CBLB: variants seen among roughly 807,000 people sequenced by gnomAD.
CBLB encodes E3 ubiquitin-protein ligase CBL-B.
In CBLB, 31 loss-of-function variants were observed where a neutral mutation model predicts 104.9. The ratio of observed to expected loss-of-function variants is 0.30; its 90% CI spans 0.22 to 0.40. The LOEUF (loss-of-function observed/expected upper bound fraction) is 0.40. Among genes scored for constraint, CBLB ranks in the 10% least tolerant of loss-of-function variants. CBLB has a pLI of 1.00. For synonymous variants in CBLB, 440 were observed against 422.6 expected, an observed-to-expected ratio of 1.04 and a Z score of -0.51; for missense variants, 1,062 against 1,214.6, an observed-to-expected ratio of 0.87 and a Z score of 1.87.
Position 105,709,533 on chromosome 3 carries a change from A to G in CBLB, c.1408-5360T>C, listed in dbSNP as rs191498750. Among the ~76,000 whole-genome samples, 416 of 151,994 alleles carry G rather than the reference A, an allele frequency of 2.7e-3. 8 individuals are homozygous for G. The highest frequency in any genetic ancestry group is 0.023 in the Admixed American group (356 of 15,256). On this transcript the variant is annotated intron_variant, in intron 10 of 18. Transcript: ENST00000394030. ...GTGATGGTTCCTAATCACATACACA[A>G]TGTTAAGTCTACTCAATGTTTATTA...
chr3:105,707,885 C>A (rs2070429361), intron 10 of CBLB, among the ~76,000 whole-genome samples: 1 of 151,974 alleles, frequency 6.6e-6, no homozygotes, highest in Admixed American at 6.6e-5. Flanking sequence ...TACATCAATT[C>A]AATGTAGACC....
chr3:105,730,632 C>G lies in CBLB; in HGVS notation c.1203+3377G>C, dbSNP rs114047696. Among the ~76,000 whole-genome samples the G allele has an allele frequency of 3.4e-3, 520 of 152,018 alleles. 5 individuals carry two copies. Among genetic ancestry groups the G allele is most frequent in the African/African-American group, 0.012 (493 of 41,476 alleles). On this transcript the variant is annotated intron_variant, in intron 9 of 18. Transcript: ENST00000394030. ...ATGAACATAATGAGGTAAGAGCTTA[C>G]AGAAACATATACAAAATGTATCAGG... is the stretch of plus-strand genomic sequence containing the variant.
At chr3:105,754,219 C>CA (rs952152096) in intron 4 of CBLB, among the ~76,000 whole-genome samples, 1 of 151,818 alleles carries the variant, frequency 6.6e-6, no homozygotes, top group Admixed American at 6.6e-5. Flanking sequence ...TAAAAACAAA[C>CA]AAAAAAATTA....
chr3:105,725,113 A>T (rs1004829109), intron 9 of CBLB, among the ~76,000 whole-genome samples: 1 of 152,202 alleles, frequency 6.6e-6, no homozygotes, highest in Non-Finnish European at 1.5e-5. Flanking sequence ...CAAATTGCAA[A>T]TATCAAAATT....
intron 13 of CBLB, among the ~76,000 whole-genome samples, chr3:105,690,097 C>A (rs1255367209): frequency 6.6e-6 from 1 of 152,052 alleles, no homozygotes. Context: ...TTTAACAATT[C>A]TATTTCAGTA....
Position 105,822,347 on chromosome 3 carries a change from G to C in CBLB, c.419+31067C>G, listed in dbSNP as rs187735644. ...TTCTAGTCATCTAACACCTCTAAAA[G>C]CTCAGGTCCTATTCTCAGGATGAGC... On this transcript the variant is annotated intron_variant, in intron 3 of 18. Transcript: ENST00000394030. Among the ~76,000 whole-genome samples the C allele has an allele frequency of 6.2e-4, 95 of 152,204 alleles. 1 individual carries two copies. The highest frequency in any genetic ancestry group is 2.9e-5 in the Non-Finnish European group (2 of 68,024).
intron 3 of CBLB, among the ~76,000 whole-genome samples, chr3:105,821,889 G>T (rs1386455132): frequency 1.3e-5 from 2 of 151,976 alleles, no homozygotes; most frequent in African/African-American, 2.4e-5. Flanking sequence ...AAATATAAAT[G>T]AACAGAGATG....
intron 3 of CBLB, among the ~76,000 whole-genome samples, chr3:105,816,484 A>C (rs1310870144): frequency 6.6e-6 from 1 of 152,206 alleles, no homozygotes; most frequent in Non-Finnish European, 1.5e-5. Context: ...CTAAGGTTAC[A>C]GGTACATTAA....
intron 3 of CBLB, among the ~76,000 whole-genome samples, chr3:105,833,714 T>C (rs975262120): frequency 6.6e-5 from 10 of 152,064 alleles, no homozygotes; most frequent in Non-Finnish European, 1.3e-4. Context: ...TAAAATTAAA[T>C]ATACTTTTAT....
At chr3:105,782,988 T>A (rs1252611669) in intron 3 of CBLB, among the ~76,000 whole-genome samples, 1 of 152,252 alleles carries the variant, frequency 6.6e-6, no homozygotes, top group Non-Finnish European at 1.5e-5. Context: ...AATAAATATA[T>A]TTAAATGGAC....
chr3:105,742,235 G>C (rs1168410608), intron 6 of CBLB, among the ~76,000 whole-genome samples: 1 of 152,122 alleles, frequency 6.6e-6, no homozygotes, highest in Non-Finnish European at 1.5e-5. Flanking sequence ...GTATGTGGCA[G>C]ACACAAGTAT....
intron 6 of CBLB, 64 bp from the exon 7 acceptor site, chr3:105,740,695 G>T: frequency 7.2e-7 from 1 of 1,397,490 alleles, no homozygotes; most frequent in Non-Finnish European, 1.0e-6. Flanking sequence ...TAAACAATTT[G>T]TTAGGTTTCT....
At chr3:105,839,388 C>A (rs933456315) in intron 3 of CBLB, 1 of 152,106 alleles carries the variant, frequency 6.6e-6, no homozygotes, top group African/African-American at 2.4e-5. Flanking sequence ...ATGTTAGTTT[C>A]ATAGGTCTAT....
chr3:105,779,638 G>C (rs1415285664), intron 3 of CBLB, among the ~76,000 whole-genome samples: 1 of 150,800 alleles, frequency 6.6e-6, no homozygotes, highest in Admixed American at 6.6e-5. Context: ...CGACACCAAG[G>C]TATGAAAAGA....
At position 105,853,460 on chromosome 3, in the gene CBLB, A is replaced by G; in HGVS notation, c.373T>C (p.Phe125Leu). ...TACATTCTCTCCTTGCCTTCTTTAA[A>G]GAGTCTTATTGCCCGTTTTGACTTT... ...MKKSKRAIRL[F>L]KEGKERMYEE... Residue 125 changes from phenylalanine (F) to leucine (L), a missense_variant, in exon 3 of 19, where the codon TTT becomes CTT. Phe to Leu is a conservative substitution (Grantham distance 22). Around this residue, in one of 2 missense-constraint regions of CBLB, gnomAD observed 457 missense variants for 632.0 expected, o/e 0.72. Transcript: ENST00000394030. The G allele has an allele frequency of 3.7e-6, 6 of 1,613,620 alleles. No individual in the cohort carries two copies. Among genetic ancestry groups the G allele is most frequent in the Non-Finnish European group, 5.1e-6 (6 of 1,179,670 alleles).
intron 3 of CBLB, among the ~76,000 whole-genome samples, chr3:105,829,661 C>T (rs1295989519): frequency 8.2e-5 from 7 of 85,264 alleles, no homozygotes; most frequent in African/African-American, 1.9e-4. Flanking sequence ...ACAGCAAGAC[C>T]GTCCCAAAAA....
At chr3:105,833,819 TAA>T (rs2087952048) in intron 3 of CBLB, among the ~76,000 whole-genome samples, 1 of 152,198 alleles carries the variant, frequency 6.6e-6, no homozygotes. Context: ...AAACTTTATA[TAA>T]GTTTCCTCTG....
rs188003903 is a variant in CBLB, at chr3:105,804,838, T to C, written c.420-28296A>G. Among the ~76,000 whole-genome samples, 87 of 152,270 alleles carry C rather than the reference T, an allele frequency of 5.7e-4. 1 individual carries two copies. In the East Asian group the frequency reaches 0.013, roughly 22 times the overall value. Reference sequence around the variant, plus strand: ...CTTTAAGGATCCTTGAATTCATTTATATATTCCCCTATAGTAGAACAGCCT... The same window carrying C: ...CTTTAAGGATCCTTGAATTCATTTACATATTCCCCTATAGTAGAACAGCCT... On this transcript the variant is annotated intron_variant, in intron 3 of 18. Transcript: ENST00000394030.
intron 9 of CBLB, among the ~76,000 whole-genome samples, chr3:105,725,374 T>A (rs1199900057): frequency 3.9e-5 from 6 of 152,204 alleles, no homozygotes; most frequent in African/African-American, 9.7e-5. Context: ...AAAAATGGTG[T>A]CAACTTTAAA....
Sources: gnomAD v4.1 joint callset for allele counts (sites outside exome capture counted in the v4.1 genomes callset) on GRCh38, gnomAD v4.1.1 for gene constraint, gnomAD v4.1.1 regional missense constraint, MANE v1.5 for transcripts, NCBI Gene and HGNC (gene_info 2026-07-23, HGNC 2026-07-21) for gene names.